The following FMR1NB variants were observed in gnomAD, a reference collection of about 807,000 sequenced individuals.
The protein encoded by FMR1NB is FMR1 neighbor.
Under a neutral mutation model 16.8 loss-of-function variants are expected in FMR1NB, and 10 were observed. That is an observed-to-expected ratio of 0.60 (90% CI 0.37 to 1.01). The LOEUF is 1.01. Ranked by LOEUF, FMR1NB falls within the 50% of genes least tolerant of loss-of-function variation. FMR1NB has a pLI of 0.01. For missense variants in FMR1NB, 205 were observed against 204.8 expected, an observed-to-expected ratio of 1.00 and a Z score of 0.00; for synonymous variants, 83 against 79.1, an observed-to-expected ratio of 1.05 and a Z score of -0.26.
intron 4 of FMR1NB, among the ~76,000 whole-genome samples, chrX:148,014,677 C>T (rs113258071): frequency 0.1 from 11,662 of 111,117 alleles, 697 homozygotes; most frequent in African/African-American, 0.22. Context: ...CAAGTTCTCG[C>T]TCTGTCACCC....
chrX:147,997,847 G>GA (rs1198594077), intron 1 of FMR1NB, among the ~76,000 whole-genome samples: 2 of 111,459 alleles, frequency 1.8e-5, no homozygotes, highest in African/African-American at 3.3e-5. Context: ...AAAAACATAT[G>GA]AAAAAAAACT....
chrX:148,008,817 T>C, intron 4 of FMR1NB, 106 bp downstream of exon 4: 1 of 682,993 alleles, frequency 1.5e-6, no homozygotes, highest in Non-Finnish European at 2.2e-6. Flanking sequence ...TATGTTTGGG[T>C]TCTTTATGTT....
chrX:147,994,212 C>T (rs1156741937), intron 1 of FMR1NB, among the ~76,000 whole-genome samples: 2 of 111,450 alleles, frequency 1.8e-5, no homozygotes, highest in African/African-American at 6.5e-5. Context: ...TTTCCGTCTT[C>T]TCAACCAAGG....
Position 148,024,865 on chromosome X carries a change from C to T in FMR1NB, c.633C>T (p.Ser211=), listed in dbSNP as rs150677301. 76 of 1,205,613 alleles carry T rather than the reference C, an allele frequency of 6.3e-5. No homozygotes were observed. In the African/African-American group the frequency reaches 1.2e-3, roughly 18 times the overall value. The change falls in exon 5 of 6, where the codon AGC becomes AGT. Residue 211 remains serine, a splice_region_variant and synonymous_variant. Coordinates refer to ENST00000370467, the MANE Select transcript of FMR1NB (RefSeq NM_152578.3). ...PIYCRSLFWR[S]EPADDLQRQD... is the part of the protein sequence containing the mutation. ...TTCACTTGAACTTTTTATGTTACAG[C>T]GAACCGGCCGATGATTTACAAAGGC...
intron 4 of FMR1NB, among the ~76,000 whole-genome samples, chrX:148,022,327 G>C (rs1157140508): frequency 9.0e-6 from 1 of 111,535 alleles, no homozygotes; most frequent in African/African-American, 3.3e-5. Flanking sequence ...GCTTCTTCTT[G>C]TCTGCCTTCT....
intron 1 of FMR1NB, among the ~76,000 whole-genome samples, chrX:147,989,079 T>C (rs2044490906): frequency 8.9e-6 from 1 of 111,873 alleles, no homozygotes; most frequent in Non-Finnish European, 1.9e-5. Context: ...CGAAGAGGCA[T>C]TCTGGTTTTT....
intron 1 of FMR1NB, among the ~76,000 whole-genome samples, chrX:147,990,410 G>A (rs1436102444): frequency 1.8e-5 from 2 of 111,960 alleles, no homozygotes; most frequent in Non-Finnish European, 3.8e-5. Context: ...GCTGGGAGCT[G>A]CAGACCAGAG....
At chrX:147,985,284 T>C (rs1557186977) in intron 1 of FMR1NB, among the ~76,000 whole-genome samples, 1 of 111,896 alleles carries the variant, frequency 8.9e-6, no homozygotes, top group African/African-American at 3.3e-5. Context: ...CATCCGTTCC[T>C]AGATTTTTTT....
Position 148,000,973 on chromosome X carries a change from T to C in FMR1NB, c.278-2228T>C, listed in dbSNP as rs890442774. Reference sequence around the variant, plus strand: ...TGATAATATTATTGTCTATCTGGAATGAAACTGAAGAACAATGAGAACTAA... The same window carrying C: ...TGATAATATTATTGTCTATCTGGAACGAAACTGAAGAACAATGAGAACTAA... On this transcript the variant is annotated intron_variant, in intron 1 of 5. Coordinates refer to ENST00000370467, the MANE Select transcript of FMR1NB (RefSeq NM_152578.3). 8.9e-5 allele frequency among the ~76,000 whole-genome samples: 10 copies of C among 111,981 alleles called. No homozygotes were observed. The Admixed American group carries it at 9.5e-4, about 11-fold the overall frequency.
chrX:147,985,859 G>C (rs939513630), intron 1 of FMR1NB, among the ~76,000 whole-genome samples: 2 of 111,881 alleles, frequency 1.8e-5, no homozygotes, highest in Non-Finnish European at 3.8e-5. Flanking sequence ...GGGTCAAATG[G>C]TATTTCTGGT....
intron 4 of FMR1NB, among the ~76,000 whole-genome samples, chrX:148,014,653 T>A (rs1557189939): frequency 9.2e-6 from 1 of 108,633 alleles, no homozygotes; most frequent in African/African-American, 3.3e-5. Flanking sequence ...ACTTGGGAAT[T>A]TTTTTTTTTA....
At chrX:147,999,947 A>G (rs188771226) in intron 1 of FMR1NB, among the ~76,000 whole-genome samples, 2 of 112,106 alleles carry the variant, frequency 1.8e-5, no homozygotes, top group East Asian at 5.6e-4. Context: ...AACCACAATC[A>G]TGGTGAGATA....
chrX:148,007,326 A>T (rs782625388), intron 3 of FMR1NB, among the ~76,000 whole-genome samples: 1 of 111,714 alleles, frequency 9.0e-6, no homozygotes, highest in Non-Finnish European at 1.9e-5. Flanking sequence ...TCACTCTGTT[A>T]CCCAGGCTGG....
At chrX:148,012,719 G>A (rs1333393464) in intron 4 of FMR1NB, among the ~76,000 whole-genome samples, 1 of 111,157 alleles carries the variant, frequency 9.0e-6, no homozygotes, top group Non-Finnish European at 1.9e-5. Flanking sequence ...TCATTATGCC[G>A]CTAGTCTTAG....
chrX:148,006,107 T>G (rs181281482), intron 2 of FMR1NB, among the ~76,000 whole-genome samples: 450 of 104,423 alleles, frequency 4.3e-3, no homozygotes, highest in Non-Finnish European at 5.6e-3. Flanking sequence ...TGTACGAATT[T>G]ATTGCAGTTG....
intron 4 of FMR1NB, among the ~76,000 whole-genome samples, chrX:148,016,274 C>T (rs1475682060): frequency 2.7e-5 from 3 of 109,684 alleles, no homozygotes; most frequent in Non-Finnish European, 5.7e-5. Context: ...GCTACTCCTG[C>T]TCTGTCTTGG....
At chrX:147,991,647 C>CTTTTTTTTTTTT (rs782065632) in intron 1 of FMR1NB, among the ~76,000 whole-genome samples, 3 of 87,371 alleles carry the variant, frequency 3.4e-5, no homozygotes, top group African/African-American at 1.5e-4. Context: ...GGCCTTCCTT[C>CTTTTTTTTTTTT]TTTTTTTTTT....
rs148341884 is a variant in FMR1NB, at chrX:148,003,152, G to A, written c.278-49G>A. ...AATTACCATTCAAGGGTCATTGAAA[G>A]TGATAAATGCTTTATATGTTGGGAT... On this transcript the variant is annotated intron_variant, in intron 1 of 5. Transcript: ENST00000370467. 2.7e-3 allele frequency: 3,184 copies of A among 1,161,265 alleles called. 58 individuals carry two copies. In the African/African-American group the frequency reaches 0.051, roughly 18 times the overall value.
intron 5 of FMR1NB, among the ~76,000 whole-genome samples, chrX:148,025,573 G>A (rs782396926): frequency 1.1e-4 from 12 of 111,286 alleles, no homozygotes; most frequent in African/African-American, 2.9e-4. Context: ...CTTGACTTGG[G>A]TCTCCTCCTC....
Sources: allele counts gnomAD v4.1 joint callset (sites outside exome capture counted in the v4.1 genomes callset), GRCh38; gene constraint gnomAD v4.1.1; transcripts MANE v1.5; gene names NCBI Gene and HGNC (gene_info 2026-07-23, HGNC 2026-07-21).